Variants in TFDP2 observed in about 807,000 individuals in gnomAD.
TFDP2 encodes the protein transcription factor Dp-2 (E2F dimerization partner 2).
A neutral mutation model predicts 59.3 loss-of-function variants in TFDP2; 17 were observed. The observed-to-expected ratio is 0.29, with a 90% CI of 0.20 to 0.43. The LOEUF (loss-of-function observed/expected upper bound fraction) is 0.43, where lower values mean the gene tolerates loss of function less well. TFDP2 is among the 20% of genes least tolerant of loss of function. The pLI is 1.00. For synonymous variants in TFDP2, 180 were observed against 194.7 expected, an observed-to-expected ratio of 0.92 and a Z score of 0.63; for missense variants, 391 against 528.8, an observed-to-expected ratio of 0.74 and a Z score of 2.56.
intron 3 of TFDP2, among the ~76,000 whole-genome samples, chr3:142,077,889 T>C (rs1454015600): frequency 6.6e-6 from 1 of 152,110 alleles, no homozygotes; most frequent in Admixed American, 6.5e-5. Context: ...GGGTCCCTGA[T>C]TCCAAGCCTG....
rs377324676 is a variant in TFDP2, at chr3:142,042,636, T to C, written c.83-37092A>G. Among the ~76,000 whole-genome samples, 928 of 145,624 alleles carry C rather than the reference T, an allele frequency of 6.4e-3. 12 individuals are homozygous for C. Among genetic ancestry groups the C allele is most frequent in the African/African-American group, 0.02 (749 of 38,164 alleles). On this transcript the variant is annotated intron_variant, in intron 3 of 12. Coordinates refer to ENST00000489671, the MANE Select transcript of TFDP2 (RefSeq NM_001178139.2). ...CTTTCTTTTCTTTTCTTTTCTTTTTTTTTTTTTTTTTTTTACCATTTATTA... is the reference window on the plus strand; with the variant it reads ...CTTTCTTTTCTTTTCTTTTCTTTTTCTTTTTTTTTTTTTTACCATTTATTA...
chr3:141,995,649 C>T (rs980630792), intron 4 of TFDP2, among the ~76,000 whole-genome samples: 4 of 151,908 alleles, frequency 2.6e-5, no homozygotes, highest in East Asian at 1.9e-4. Context: ...TTTGGGAGGC[C>T]GAGGTGGGAG....
intron 3 of TFDP2, among the ~76,000 whole-genome samples, chr3:142,032,185 C>G (rs756409167): frequency 6.6e-6 from 1 of 151,864 alleles, no homozygotes; most frequent in African/African-American, 2.4e-5. Context: ...TCACTGTAGC[C>G]TCAATCTCCT....
intron 2 of TFDP2, among the ~76,000 whole-genome samples, chr3:142,097,646 C>T (rs181201492): frequency 1.3e-5 from 2 of 152,296 alleles, no homozygotes; most frequent in Admixed American, 1.3e-4. Context: ...GATCATGCCA[C>T]TGCACTCCAG....
intron 3 of TFDP2, among the ~76,000 whole-genome samples, chr3:142,049,067 T>C (rs576920117): frequency 6.6e-6 from 1 of 152,176 alleles, no homozygotes; most frequent in Non-Finnish European, 1.5e-5. Flanking sequence ...TTATAAAAAG[T>C]GTTCATCCTC....
At chr3:141,952,795 C>T in intron 12 of TFDP2, 99 bp from the exon 13 acceptor site, 2 of 1,565,276 alleles carry the variant, frequency 1.3e-6, no homozygotes, top group Non-Finnish European at 1.8e-6. Context: ...TTGGTGAGAT[C>T]TGCCACAAAC....
chr3:142,039,765 T>A (rs1392314911), intron 3 of TFDP2, among the ~76,000 whole-genome samples: 2 of 151,976 alleles, frequency 1.3e-5, no homozygotes, highest in African/African-American at 4.8e-5. Flanking sequence ...AGTCAACCAC[T>A]AGTGAAGGGG....
intron 1 of TFDP2, among the ~76,000 whole-genome samples, chr3:142,115,315 C>CTTTT (rs906368574): frequency 7.6e-6 from 1 of 130,972 alleles, no homozygotes; most frequent in African/African-American, 2.8e-5. Context: ...CACGCATTTT[C>CTTTT]TTTTTTTTTT....
chr3:142,036,176 C>T (rs1946687844), intron 3 of TFDP2, among the ~76,000 whole-genome samples: 1 of 152,156 alleles, frequency 6.6e-6, no homozygotes, highest in South Asian at 2.1e-4. Flanking sequence ...GATGGTTCCT[C>T]ATTAAATAGA....
rs1423521704 is a variant in TFDP2, at chr3:141,951,689, GC to G, written c.*823del. The G allele has an allele frequency of 6.6e-6, 1 of 152,578 alleles. No individual in the cohort carries two copies. Among genetic ancestry groups the G allele is most frequent in the African/African-American group, 2.4e-5 (1 of 41,414 alleles). The allele number at this position is 152,578 out of a possible 1,614,324, so 9.5% of individuals were successfully genotyped here. A position where few individuals can be genotyped will look rare whatever the true frequency, so the allele number is the denominator to read the frequency against. ...ATGAAAAAGCTATATGAAATGCATAGCTTTGATTAACCTAAAGATACAGTTT... is the reference window on the plus strand; with the variant it reads ...ATGAAAAAGCTATATGAAATGCATAGTTTGATTAACCTAAAGATACAGTTT... On this transcript the variant is annotated 3_prime_UTR_variant, in exon 13 of 13. Transcript: ENST00000489671.
At chr3:142,089,491 G>C (rs2060929252) in intron 3 of TFDP2, among the ~76,000 whole-genome samples, 1 of 152,086 alleles carries the variant, frequency 6.6e-6, no homozygotes, top group Non-Finnish European at 1.5e-5. Flanking sequence ...AATTTAAATA[G>C]GAAGTTGCTT....
At chr3:142,130,566 T>A (rs1031900724) in intron 1 of TFDP2, among the ~76,000 whole-genome samples, 5 of 152,080 alleles carry the variant, frequency 3.3e-5, no homozygotes, top group Admixed American at 3.3e-4. Flanking sequence ...TGTATACATG[T>A]GCCATGTTGG....
chr3:141,952,968 G>C lies in TFDP2; in HGVS notation c.1100C>G (p.Ser367Cys). The stretch of plus-strand genomic sequence containing the variant: ...GTCTAAATTTGAAACTGATTGGGTA[G>C]AGTTCAGAAGTAGTCCCTGATTTAA... ...SWLNQGLLLN[S>C]TQSVSNLDLT... is the part of the protein sequence containing the mutation. The change falls in exon 12 of 13, where the codon TCT becomes TGT. Residue 367 changes from serine (S) to cysteine (C), a missense_variant. By Grantham distance (112) the Ser-to-Cys change is moderately radical. Coordinates refer to ENST00000489671, the MANE Select transcript of TFDP2 (RefSeq NM_001178139.2). The C allele has an allele frequency of 6.2e-7, 1 of 1,614,156 alleles. No individual in the cohort carries two copies. Among genetic ancestry groups the C allele is most frequent in the Non-Finnish European group, 8.5e-7 (1 of 1,180,010 alleles).
intron 4 of TFDP2, among the ~76,000 whole-genome samples, chr3:141,998,555 T>C (rs993768904): frequency 1.3e-5 from 2 of 152,076 alleles, no homozygotes; most frequent in Non-Finnish European, 2.9e-5. Context: ...AAGCGGAGGC[T>C]GCAGTGAGCT....
At chr3:142,067,278 A>G (rs1204812463) in intron 3 of TFDP2, among the ~76,000 whole-genome samples, 1 of 152,206 alleles carries the variant, frequency 6.6e-6, no homozygotes, top group Admixed American at 6.5e-5. Flanking sequence ...GCAAGGTTAC[A>G]GAATATGAAG....
intron 6 of TFDP2, among the ~76,000 whole-genome samples, chr3:141,988,251 T>C (rs529242684): frequency 2.6e-5 from 4 of 152,356 alleles, no homozygotes; most frequent in South Asian, 2.1e-4. Flanking sequence ...TGGCCTGCTG[T>C]TGGTTTTTGC....
At chr3:142,000,566 C>T (rs542419709) in intron 4 of TFDP2, among the ~76,000 whole-genome samples, 2 of 152,302 alleles carry the variant, frequency 1.3e-5, no homozygotes, top group East Asian at 1.9e-4. Flanking sequence ...AAATTCATGT[C>T]TATTTCACAG....
intron 3 of TFDP2, among the ~76,000 whole-genome samples, chr3:142,092,088 A>G (rs993729162): frequency 2.0e-5 from 3 of 152,226 alleles, no homozygotes; most frequent in African/African-American, 7.2e-5. Flanking sequence ...ATGAAACCCC[A>G]CAGAAATATT....
chr3:142,010,332 C>A (rs553170714), intron 3 of TFDP2, among the ~76,000 whole-genome samples: 3 of 152,164 alleles, frequency 2.0e-5, no homozygotes, highest in African/African-American at 7.2e-5. Flanking sequence ...ACTTTTGGGC[C>A]GGGCGCAGTG....
Sources: allele counts gnomAD v4.1 joint callset (sites outside exome capture counted in the v4.1 genomes callset), GRCh38; gene constraint gnomAD v4.1.1; transcripts MANE v1.5; gene names NCBI Gene and HGNC (gene_info 2026-07-23, HGNC 2026-07-21).